Variants in RPL27A observed in about 807,000 individuals in gnomAD.
RPL27A encodes ribosomal protein L27a.
For synonymous variants in RPL27A, 69 were observed against 68.3 expected, an observed-to-expected ratio of 1.01 and a Z score of -0.05; for missense variants, 118 against 189.4, an observed-to-expected ratio of 0.62 and a Z score of 2.21.
At chr11:8,682,913 G>GAGTGGAT in intron 1 of RPL27A, 97 bp downstream of exon 1, 1 of 1,457,332 alleles carries the variant, frequency 6.9e-7, no homozygotes, top group Non-Finnish European at 9.3e-7. Context: ...CCATGGTCGG[G>GAGTGGAT]GCTTCCAGGC....
intron 3 of RPL27A, 142 bp downstream of exon 3, chr11:8,684,223 T>TGTCATCGAGGCTAGA: frequency 1.3e-6 from 1 of 796,256 alleles, no homozygotes; most frequent in Middle Eastern, 2.2e-4. Context: ...ACTGAGAACC[T>TGTCATCGAGGCTAGA]GTCATCGAGG....
At position 8,687,389 on chromosome 11, in the gene RPL27A, T is replaced by TCCG. The variant is rs760354952; in HGVS notation, c.*1585_*1586insGCC. Reference sequence around the variant, plus strand: ...CTTGGGCAACAAGAGTGAAACTCTGTCCACCCCCCCCAAAAAAAGTAAGGG... The same window carrying TCCG: ...CTTGGGCAACAAGAGTGAAACTCTGTCCGCCACCCCCCCCAAAAAAAGTAAGGG... On this transcript the variant is annotated 3_prime_UTR_variant, in exon 5 of 5. Coordinates refer to ENST00000314138, the MANE Select transcript of RPL27A (RefSeq NM_000990.5). 1 of 100,804 alleles carries TCCG rather than the reference T, an allele frequency of 9.9e-6. No homozygotes were observed. The highest frequency in any genetic ancestry group is 2.2e-5 in the Non-Finnish European group (1 of 45,800). 6.2% of individuals were successfully genotyped at this position (100,804 alleles called of 1,614,324 possible).
At chr11:8,685,322 G>A (rs2039576056) in intron 4 of RPL27A, 14 of 516,274 alleles carry the variant, frequency 2.7e-5, no homozygotes, top group South Asian at 2.2e-4. Flanking sequence ...CCCTAGGGAC[G>A]CTTTAAATTC....
rs1167657791 is a variant in RPL27A, at chr11:8,684,823, T to C, written c.249T>C (p.Ser83=). The C allele has an allele frequency of 1.2e-6, 2 of 1,614,034 alleles. No individual in the cohort carries two copies. The highest frequency in any genetic ancestry group is 1.7e-6 in the Non-Finnish European group (2 of 1,179,856). Residue 83 remains serine (S), a synonymous_variant, in exon 4 of 5, where the codon AGT becomes AGC. Coordinates refer to ENST00000314138, the MANE Select transcript of RPL27A (RefSeq NM_000990.5). ...VNLDKLWTLV[S]EQTRVNAAKN... ...TTGACAAATTGTGGACTTTGGTCAGTGAACAGACACGGGTGAATGCTGCTA... is the reference window on the plus strand; with the variant it reads ...TTGACAAATTGTGGACTTTGGTCAGCGAACAGACACGGGTGAATGCTGCTA...
intron 4 of RPL27A, chr11:8,685,231 T>C: frequency 2.3e-6 from 1 of 430,810 alleles, no homozygotes; most frequent in Non-Finnish European, 4.4e-6. Flanking sequence ...ACAGATGTAT[T>C]ATGTCTGTCC....
rs993695407 is a variant in RPL27A, at chr11:8,682,877, C to T, written c.3+61C>T. ...GGCGGAGACCCCTAAGCTGTATTCC[C>T]ATTGCCCCTAGTCATCCACTCCCTA... On this transcript the variant is annotated intron_variant, in intron 1 of 4. Coordinates refer to ENST00000314138, the MANE Select transcript of RPL27A (RefSeq NM_000990.5). The T allele has an allele frequency of 2.4e-5, 38 of 1,562,110 alleles. 1 individual carries two copies. Among genetic ancestry groups the T allele is most frequent in the Non-Finnish European group, 3.0e-5 (35 of 1,149,502 alleles).
Position 8,683,275 on chromosome 11 carries a change from G to T in RPL27A, c.67+10G>T. 6.2e-7 allele frequency: 1 copy of T among 1,613,862 alleles called. No homozygotes were observed. Among genetic ancestry groups the T allele is most frequent in the South Asian group, 1.1e-5 (1 of 91,082 alleles). On this transcript the variant is annotated intron_variant, in intron 2 of 4. Transcript: ENST00000314138. ...GGCCACGGCCGCATAGGTAAGTGCC[G>T]GCTTCCCCTCGGGGTGGGCCTTGGG...
rs2039589363 is a variant in RPL27A at position 8,686,594 on chromosome 11, AT to A, written c.*789del. On this transcript the variant is annotated 3_prime_UTR_variant, in exon 5 of 5. Transcript: ENST00000314138. ...GAATGTGATGAATCAAAATCTCGAG[AT>A]GGGGGTCCAGCAATCTGAAATTTCA... The A allele has an allele frequency of 6.6e-6, 1 of 152,170 alleles. No individual in the cohort carries two copies. The highest frequency in any genetic ancestry group is 1.5e-5 in the Non-Finnish European group (1 of 68,036). 9.4% of individuals were successfully genotyped at this position (152,170 alleles called of 1,614,324 possible).
chr11:8,685,639 A>G (rs780389126), intron 4 of RPL27A, 39 bp from the exon 5 acceptor site: 6 of 1,611,476 alleles, frequency 3.7e-6, no homozygotes, highest in East Asian at 4.5e-5. Flanking sequence ...GTTGGTACCT[A>G]CTACAGTGTA....
At position 8,682,796 on chromosome 11, in the gene RPL27A, T is replaced by C. The variant is rs769430463; in HGVS notation, c.-18T>C. ...CGAGACTTGGCGAAGGCCTTCCTTT[T>C]TCGTCTGGGCTGCCAACATGGTAGG... is the stretch of plus-strand genomic sequence containing the variant. On this transcript the variant is annotated 5_prime_UTR_variant, in exon 1 of 5. Coordinates refer to ENST00000314138, the MANE Select transcript of RPL27A (RefSeq NM_000990.5). 6.2e-7 allele frequency: 1 copy of C among 1,613,490 alleles called. No homozygotes were observed. Among genetic ancestry groups the C allele is most frequent in the East Asian group, 2.2e-5 (1 of 44,770 alleles).
At chr11:8,683,031 G>T in intron 1 of RPL27A, 171 bp from the exon 2 acceptor site, 9 of 847,226 alleles carry the variant, frequency 1.1e-5, no homozygotes, top group Non-Finnish European at 1.7e-5. Context: ...GCGGGCCCCT[G>T]CGCTACCGTG....
intron 3 of RPL27A, 197 bp from the exon 4 acceptor site, chr11:8,684,521 A>T (rs762647380): frequency 7.4e-6 from 5 of 673,064 alleles, no homozygotes; most frequent in African/African-American, 1.8e-5. Flanking sequence ...GTTCCAGGAA[A>T]TAAGACTAGC....
chr11:8,685,010 C>T (rs1237400851), intron 4 of RPL27A, 118 bp downstream of exon 4: 2 of 1,012,618 alleles, frequency 2.0e-6, no homozygotes, highest in Non-Finnish European at 3.1e-6. Context: ...TGATATTCTT[C>T]CTGTGGTAGA....
rs959173257 is a variant in RPL27A at position 8,687,435 on chromosome 11, AG to A, written c.*1631del. ...AAGGGCTCTCCATTAGGGCCCATAG[AG>A]GACTTGTAATATGGAACCTGAATCC... On this transcript the variant is annotated 3_prime_UTR_variant, in exon 5 of 5. Coordinates refer to ENST00000314138, the MANE Select transcript of RPL27A (RefSeq NM_000990.5). 1 of 142,704 alleles carries A rather than the reference AG, an allele frequency of 7.0e-6. No homozygotes were observed. Among genetic ancestry groups the A allele is most frequent in the Non-Finnish European group, 1.5e-5 (1 of 66,172 alleles). The allele number at this position is 142,704 out of a possible 1,614,324, so 8.8% of individuals were successfully genotyped here.
chr11:8,685,439 G>T, intron 4 of RPL27A: 3 of 677,400 alleles, frequency 4.4e-6, no homozygotes, highest in South Asian at 2.7e-5. Flanking sequence ...CTTATGCTTT[G>T]CCGAGACTAG....
chr11:8,685,217 CA>C (rs144013777), intron 4 of RPL27A: 15,380 of 439,918 alleles, frequency 0.035, 469 homozygotes, highest in African/African-American at 0.11. Flanking sequence ...GATTTTCCCC[CA>C]AAACAGATGT....
At chr11:8,683,170 T>A in intron 1 of RPL27A, 32 bp from the exon 2 acceptor site, 1 of 1,611,034 alleles carries the variant, frequency 6.2e-7, no homozygotes, top group Non-Finnish European at 8.5e-7. Context: ...CCCTAATTCC[T>A]TAGGCCTTAC....
At chr11:8,683,980 C>A in intron 2 of RPL27A, 26 bp from the exon 3 acceptor site, 1 of 1,599,832 alleles carries the variant, frequency 6.3e-7, no homozygotes. Context: ...ATCACACCGG[C>A]CCCACGTAGC....
chr11:8,682,852 G>T, intron 1 of RPL27A, 36 bp downstream of exon 1: 1 of 1,604,422 alleles, frequency 6.2e-7, no homozygotes, highest in Non-Finnish European at 8.5e-7. Context: ...CTTCCTTGCC[G>T]GCGGAGACCC....
Sources: gnomAD v4.1 joint callset for allele counts on GRCh38, gnomAD v4.1.1 for gene constraint, MANE v1.5 for transcripts, NCBI Gene and HGNC (gene_info 2026-07-23, HGNC 2026-07-21) for gene names.